Variants in TCF4 observed in about 807,000 individuals in gnomAD.
TCF4 encodes the protein SL3-3 enhancer factor 2.
In TCF4, 3 loss-of-function variants were observed where a neutral mutation model predicts 82.1. The observed-to-expected ratio is 0.04, with a 90% CI of 0.02 to 0.09. The LOEUF is 0.09. Ranked by LOEUF, TCF4 falls within the 10% of genes least tolerant of loss-of-function variation. The probability of loss-of-function intolerance (pLI) is 1.00; values close to 1 mark genes in which losing one functional copy is unlikely to be tolerated. For missense variants in TCF4, 518 were observed against 852.7 expected (o/e 0.61, Z 4.89); for synonymous variants, 276 against 309.6 (o/e 0.89, Z 1.14).
At chr18:55,400,920 C>T (rs2093776888) in intron 6 of TCF4, 1 of 1,276,670 alleles carries the variant, frequency 7.8e-7, no homozygotes. Context: ...TAGGGCACAC[C>T]ATCTGAAGGT....
intron 3 of TCF4, among the ~76,000 whole-genome samples, chr18:55,483,811 T>C (rs2096477307): frequency 6.6e-6 from 1 of 152,192 alleles, no homozygotes; most frequent in Non-Finnish European, 1.5e-5. Flanking sequence ...CAGCATTTTT[T>C]GGAAAACCTT....
At chr18:55,335,685 C>G (rs1057272927) in intron 8 of TCF4, among the ~76,000 whole-genome samples, 4 of 152,028 alleles carry the variant, frequency 2.6e-5, no homozygotes, top group African/African-American at 9.7e-5. Flanking sequence ...TACTCTATGC[C>G]TTAGTTTCCC....
At chr18:55,290,578 A>G (rs942728974) in intron 8 of TCF4, among the ~76,000 whole-genome samples, 4 of 152,184 alleles carry the variant, frequency 2.6e-5, no homozygotes, top group Non-Finnish European at 5.9e-5. Context: ...GTACAAAGAA[A>G]AATGCTAACT....
In TCF4 at chr18:55,260,169, T is replaced by C. The variant is rs35969244; in HGVS notation, c.991-142A>G. On this transcript the variant is annotated intron_variant, in intron 12 of 19. Transcript: ENST00000354452. ...GTAATAATCAACTACAGTACCAAAA[T>C]TGTCAAATGAAGAACTTAACAATTA... 65,195 of 684,884 alleles carry C rather than the reference T, an allele frequency of 0.095. 3,672 individuals are homozygous for C. Among genetic ancestry groups the C allele is most frequent in the African/African-American group, 0.13 (7,072 of 55,206 alleles). The allele number at this position is 684,884 out of a possible 1,614,324, so 42.4% of individuals were successfully genotyped here.
chr18:55,576,601 C>T (rs531787769), intron 3 of TCF4, among the ~76,000 whole-genome samples: 4 of 152,218 alleles, frequency 2.6e-5, no homozygotes, highest in South Asian at 2.1e-4. Flanking sequence ...CTGATATGCA[C>T]GCTCAGTCTC....
intron 3 of TCF4, among the ~76,000 whole-genome samples, chr18:55,485,879 G>A (rs2096507338): frequency 6.6e-6 from 1 of 152,158 alleles, no homozygotes; most frequent in Non-Finnish European, 1.5e-5. Context: ...CACACTGTCT[G>A]GATGTGTCAC....
intron 3 of TCF4, among the ~76,000 whole-genome samples, chr18:55,584,910 A>AT (rs2097622582): frequency 6.6e-6 from 1 of 152,132 alleles, no homozygotes; most frequent in Admixed American, 6.5e-5. Flanking sequence ...TTTACAAGGG[A>AT]TTTTCCCATT....
rs2097537419 is a variant in TCF4 at position 55,577,201 on chromosome 18, T to C, written c.145+8079A>G. On this transcript the variant is annotated intron_variant, in intron 3 of 19. Coordinates refer to ENST00000354452, the MANE Select transcript of TCF4 (RefSeq NM_001083962.2). ...ATTTATAAATGTATATATACATTTA[T>C]ATATTTATATAAATGTATATATACG... is the stretch of plus-strand genomic sequence containing the variant. Among the ~76,000 whole-genome samples the C allele has an allele frequency of 1.1e-4, 3 of 27,590 alleles. No homozygotes were observed. The Admixed American group carries it at 1.5e-3, about 14-fold the overall frequency. The allele number at this position is 27,590 out of a possible 152,430, so 18.1% of individuals were successfully genotyped here.
At chr18:55,367,623 C>G (rs188524528) in intron 6 of TCF4, among the ~76,000 whole-genome samples, 2 of 152,314 alleles carry the variant, frequency 1.3e-5, no homozygotes, top group Admixed American at 6.5e-5. Context: ...CTGAAGATAA[C>G]TGACAAATCA....
At chr18:55,526,144 T>C (rs188878619) in intron 3 of TCF4, among the ~76,000 whole-genome samples, 90 of 152,298 alleles carry the variant, frequency 5.9e-4, no homozygotes, top group African/African-American at 2.1e-3. Context: ...GACTCAACAA[T>C]GTATTTACAG....
In TCF4 at chr18:55,222,541, C is replaced by A. The variant is rs949944031; in HGVS notation, c.*5494G>T. On this transcript the variant is annotated 3_prime_UTR_variant, in exon 20 of 20. Transcript: ENST00000354452. ...GGCACTTCACATGTGAACCAAATGG[C>A]GTTATAACATTTTCCTTCAACTAGT... The A allele has an allele frequency of 2.6e-5, 4 of 151,928 alleles. No individual in the cohort carries two copies. The South Asian group carries it at 8.3e-4, about 32-fold the overall frequency. 9.4% of individuals were successfully genotyped at this position (151,928 alleles called of 1,614,324 possible).
chr18:55,304,048 C>T (rs1019997564), intron 8 of TCF4, among the ~76,000 whole-genome samples: 8 of 151,968 alleles, frequency 5.3e-5, no homozygotes, highest in African/African-American at 1.9e-4. Flanking sequence ...CAGTGAAATC[C>T]AAAGAGTTAA....
intron 3 of TCF4, among the ~76,000 whole-genome samples, chr18:55,497,601 C>G (rs1458395315): frequency 6.6e-6 from 1 of 152,110 alleles, no homozygotes; most frequent in Non-Finnish European, 1.5e-5. Context: ...TATCATTCAA[C>G]CTAGCAGTTA....
chr18:55,413,089 C>T (rs1406101546), intron 5 of TCF4, among the ~76,000 whole-genome samples: 1 of 152,114 alleles, frequency 6.6e-6, no homozygotes, highest in African/African-American at 2.4e-5. Flanking sequence ...TTAAACTATA[C>T]ACATTGGATA....
chr18:55,259,557 T>C (rs1049447593), intron 13 of TCF4: 4 of 167,140 alleles, frequency 2.4e-5, no homozygotes, highest in Non-Finnish European at 5.2e-5. Context: ...AAATGATCCA[T>C]TTAAATAGTC....
chr18:55,410,520 C>T (rs2094300830), intron 5 of TCF4, among the ~76,000 whole-genome samples: 1 of 152,002 alleles, frequency 6.6e-6, no homozygotes, highest in South Asian at 2.1e-4. Context: ...GCAACACACC[C>T]TAAAAGCTCA....
At chr18:55,559,600 CT>C (rs1418151741) in intron 3 of TCF4, among the ~76,000 whole-genome samples, 1 of 149,718 alleles carries the variant, frequency 6.7e-6, no homozygotes, top group Non-Finnish European at 1.5e-5. Flanking sequence ...TTACTTGTAG[CT>C]GTCAAAAATG....
chr18:55,577,129 T>TG (rs2097535431), intron 3 of TCF4, among the ~76,000 whole-genome samples: 2 of 146,294 alleles, frequency 1.4e-5, no homozygotes, highest in South Asian at 4.2e-4. Context: ...CATTTATATA[T>TG]TTATATATAC....
chr18:55,526,966 C>A (rs1000745851), intron 3 of TCF4, among the ~76,000 whole-genome samples: 2 of 152,152 alleles, frequency 1.3e-5, no homozygotes, highest in Non-Finnish European at 1.5e-5. Flanking sequence ...CAGGCTCAAT[C>A]CACCAAGATG....
Sources: allele counts gnomAD v4.1 joint callset (sites outside exome capture counted in the v4.1 genomes callset), GRCh38; gene constraint gnomAD v4.1.1; transcripts MANE v1.5; gene names NCBI Gene and HGNC (gene_info 2026-07-23, HGNC 2026-07-21).